Variants in ARSJ observed in about 807,000 individuals in gnomAD.
The protein encoded by ARSJ is arylsulfatase family member J.
Under a neutral mutation model 35.9 loss-of-function variants are expected in ARSJ, and 26 were observed. The observed-to-expected ratio is 0.72, with a 90% CI of 0.53 to 1.00. The LOEUF (loss-of-function observed/expected upper bound fraction) is 1.00. ARSJ is among the 50% of genes least tolerant of loss of function. The probability of loss-of-function intolerance (pLI) is 0.00; values close to 1 mark genes in which losing one functional copy is unlikely to be tolerated. For missense variants in ARSJ, 667 were observed against 723.6 expected, an observed-to-expected ratio of 0.92 and a Z score of 0.90; for synonymous variants, 294 against 267.6, an observed-to-expected ratio of 1.10 and a Z score of -0.96.
chr4:113,939,655 T>C (rs928355776), intron 1 of ARSJ, among the ~76,000 whole-genome samples: 5 of 152,120 alleles, frequency 3.3e-5, no homozygotes, highest in African/African-American at 1.2e-4. Flanking sequence ...ATTTCTCTGA[T>C]GGCCAGTGAT....
chr4:113,974,465 A>G (rs920817405), intron 1 of ARSJ, among the ~76,000 whole-genome samples: 12 of 152,114 alleles, frequency 7.9e-5, no homozygotes, highest in African/African-American at 2.9e-4. Flanking sequence ...TAACTACCAC[A>G]AATTAATAAG....
intron 1 of ARSJ, among the ~76,000 whole-genome samples, chr4:113,907,586 G>A (rs2099669154): frequency 6.6e-6 from 1 of 151,884 alleles, no homozygotes; most frequent in African/African-American, 2.4e-5. Flanking sequence ...GCAGGTAGGA[G>A]TGTTTCATTT....
At chr4:113,925,982 C>T (rs1428309340) in intron 1 of ARSJ, among the ~76,000 whole-genome samples, 1 of 152,122 alleles carries the variant, frequency 6.6e-6, no homozygotes, top group Non-Finnish European at 1.5e-5. Context: ...TGCATAACCT[C>T]CATCCCTGCC....
Position 113,901,078 on chromosome 4 carries a change from A to G in ARSJ, c.*1196T>C, listed in dbSNP as rs2099666900. ...ATCATATTATATTACTGTGGTTGTT[A>G]GCAAACCATTCCTTCAATTGCCTAT... On this transcript the variant is annotated 3_prime_UTR_variant, in exon 2 of 2. Transcript: ENST00000315366. The G allele has an allele frequency of 6.6e-6, 1 of 152,216 alleles. No homozygotes were observed. The highest frequency in any genetic ancestry group is 2.4e-5 in the African/African-American group (1 of 41,462). 9.4% of individuals were successfully genotyped at this position (152,216 alleles called of 1,614,324 possible).
At position 113,913,964 on chromosome 4, in the gene ARSJ, T is replaced by G. The variant is rs553579515; in HGVS notation, c.399-10289A>C. On this transcript the variant is annotated intron_variant, in intron 1 of 1. Transcript: ENST00000315366. Reference sequence around the variant, plus strand: ...ATATAGAGAATTTAAAATCCTTTCATTTTTAAATTTTTATTTATTTATTTT... The same window carrying G: ...ATATAGAGAATTTAAAATCCTTTCAGTTTTAAATTTTTATTTATTTATTTT... 2.0e-5 allele frequency among the ~76,000 whole-genome samples: 3 copies of G among 152,200 alleles called. No homozygotes were observed. In the South Asian group the frequency reaches 6.2e-4, roughly 32 times the overall value.
chr4:113,973,129 G>C (rs1727380023), intron 1 of ARSJ, among the ~76,000 whole-genome samples: 1 of 152,060 alleles, frequency 6.6e-6, no homozygotes, highest in Non-Finnish European at 1.5e-5. Flanking sequence ...GGATATCCAT[G>C]GGAGTGATTA....
At chr4:113,958,143 A>C (rs766347753) in intron 1 of ARSJ, among the ~76,000 whole-genome samples, 9 of 152,060 alleles carry the variant, frequency 5.9e-5, no homozygotes, top group Non-Finnish European at 7.4e-5. Context: ...CACTGCCTGG[A>C]GCCTCTATTT....
intron 1 of ARSJ, among the ~76,000 whole-genome samples, chr4:113,970,248 T>C (rs904361601): frequency 1.3e-5 from 2 of 152,166 alleles, no homozygotes; most frequent in Non-Finnish European, 2.9e-5. Flanking sequence ...GCTAAAAATA[T>C]TGTTTAAAGA....
chr4:113,925,688 T>C (rs1197437331), intron 1 of ARSJ, among the ~76,000 whole-genome samples: 1 of 152,184 alleles, frequency 6.6e-6, no homozygotes, highest in African/African-American at 2.4e-5. Context: ...AATACCATGA[T>C]GGTGGATGAA....
chr4:113,913,081 G>A (rs982651919), intron 1 of ARSJ, among the ~76,000 whole-genome samples: 1 of 129,224 alleles, frequency 7.7e-6, no homozygotes, highest in Non-Finnish European at 1.7e-5. Flanking sequence ...CTAGACAAAA[G>A]GGGATGGAAT....
At chr4:113,928,687 T>C (rs1724233742) in intron 1 of ARSJ, among the ~76,000 whole-genome samples, 1 of 152,180 alleles carries the variant, frequency 6.6e-6, no homozygotes, top group Non-Finnish European at 1.5e-5. Flanking sequence ...ATTATTCCCA[T>C]TGTATTTACA....
chr4:113,904,193 T>C (rs549253064), intron 1 of ARSJ, among the ~76,000 whole-genome samples: 1 of 152,274 alleles, frequency 6.6e-6, no homozygotes, highest in Non-Finnish European at 1.5e-5. Context: ...CCTCCCAAAG[T>C]GCTGCGATTA....
intron 1 of ARSJ, among the ~76,000 whole-genome samples, chr4:113,956,901 T>A (rs1235714154): frequency 6.6e-6 from 1 of 151,970 alleles, no homozygotes; most frequent in African/African-American, 2.4e-5. Flanking sequence ...CAACAGCCTA[T>A]GCTTTTCAGG....
At chr4:113,912,817 G>C (rs771950250) in intron 1 of ARSJ, among the ~76,000 whole-genome samples, 19 of 151,692 alleles carry the variant, frequency 1.3e-4, no homozygotes, top group Non-Finnish European at 2.9e-5. Flanking sequence ...ACAATCTGTT[G>C]AACATGATTA....
chr4:113,943,023 A>T (rs1725253164), intron 1 of ARSJ, among the ~76,000 whole-genome samples: 1 of 152,028 alleles, frequency 6.6e-6, no homozygotes, highest in African/African-American at 2.4e-5. Context: ...GGATCCCAAT[A>T]CATCTCAAAC....
rs752979032 is a variant in ARSJ, at chr4:113,903,663, G to A, written c.411C>T (p.His137=). ...TTATGATAGAATGTTGAAGTCCGGT[G>A]TGTATCTGATACCTTAAGAAAAGAG... is the stretch of plus-strand genomic sequence containing the variant. ...SQFITGKYQI[H]TGLQHSIIRP... is the part of the protein sequence containing the mutation. The change falls in exon 2 of 2, where the codon CAC becomes CAT. Residue 137 remains histidine, a synonymous_variant. Transcript: ENST00000315366. 4.0e-5 allele frequency: 64 copies of A among 1,610,114 alleles called. 1 individual carries two copies. The Admixed American group carries it at 6.5e-4, about 16-fold the overall frequency.
At chr4:113,951,881 A>C (rs1248411636) in intron 1 of ARSJ, among the ~76,000 whole-genome samples, 1 of 152,028 alleles carries the variant, frequency 6.6e-6, no homozygotes, top group East Asian at 1.9e-4. Context: ...AACTGCCCTT[A>C]GGTTAACTTT....
intron 1 of ARSJ, among the ~76,000 whole-genome samples, chr4:113,958,841 GTCTC>G (rs1426012092): frequency 6.6e-6 from 1 of 151,854 alleles, no homozygotes; most frequent in Non-Finnish European, 1.5e-5. Context: ...TCAAGCATAT[GTCTC>G]TCTCTATCTT....
At chr4:113,931,222 G>T (rs1017343711) in intron 1 of ARSJ, among the ~76,000 whole-genome samples, 1 of 151,140 alleles carries the variant, frequency 6.6e-6, no homozygotes, top group Non-Finnish European at 1.5e-5. Context: ...GTACATAAAA[G>T]GCTACCCTTG....
Sources: allele counts gnomAD v4.1 joint callset (sites outside exome capture counted in the v4.1 genomes callset), GRCh38; gene constraint gnomAD v4.1.1; transcripts MANE v1.5; gene names NCBI Gene and HGNC (gene_info 2026-07-23, HGNC 2026-07-21).